The following CNOT7 variants were observed in gnomAD, a reference collection of about 807,000 sequenced individuals.
CNOT7 encodes CCR4-NOT transcription complex subunit 7.
A neutral mutation model predicts 37.1 loss-of-function variants in CNOT7; 4 were observed. The ratio of observed to expected loss-of-function variants is 0.11; its 90% CI spans 0.05 to 0.25. The LOEUF is 0.25. Among genes scored for constraint, CNOT7 ranks in the 10% least tolerant of loss-of-function variants. The pLI is 1.00. For synonymous variants in CNOT7, 128 were observed against 115.6 expected (o/e 1.11, Z -0.69); for missense variants, 170 against 336.2 (o/e 0.51, Z 3.87).
At position 17,227,083 on chromosome 8, in the gene CNOT7, G is replaced by A. The variant is rs930192424; in HGVS notation, c.*3637C>T. On this transcript the variant is annotated 3_prime_UTR_variant, in exon 7 of 7. Coordinates refer to ENST00000361272, the MANE Select transcript of CNOT7 (RefSeq NM_013354.7). The stretch of plus-strand genomic sequence containing the variant: ...AGCAAATGAAGTTAACTGTTGACCA[G>A]TTCAGTAACACCAATATTTCCTGTG... 1.3e-5 allele frequency: 2 copies of A among 151,524 alleles called. No homozygotes were observed. The highest frequency in any genetic ancestry group is 4.8e-5 in the African/African-American group (2 of 41,314). 9.4% of individuals were successfully genotyped at this position (151,524 alleles called of 1,614,324 possible). A position where few individuals can be genotyped will look rare whatever the true frequency, so the allele number is the denominator to read the frequency against.
chr8:17,241,213 C>G (rs1228486394), intron 3 of CNOT7: 2 of 151,940 alleles, frequency 1.3e-5, no homozygotes, highest in African/African-American at 4.8e-5. Flanking sequence ...TGCTAGCTAC[C>G]TGTACCTGTA....
Position 17,237,142 on chromosome 8 carries a change from G to C in CNOT7, c.473+70C>G. ...AATTAAACCTGAAATTGCTAACATAGTGACCCAAGTAAGTGTGGAGCAAGT... is the reference window on the plus strand; with the variant it reads ...AATTAAACCTGAAATTGCTAACATACTGACCCAAGTAAGTGTGGAGCAAGT... On this transcript the variant is annotated intron_variant, in intron 4 of 6. Transcript: ENST00000361272. 6 of 1,468,916 alleles carry C rather than the reference G, an allele frequency of 4.1e-6. 1 individual carries two copies. The highest frequency in any genetic ancestry group is 4.9e-4 in the Middle Eastern group (2 of 4,098). The allele number at this position is 1,468,916 out of a possible 1,614,324, so 91.0% of individuals were successfully genotyped here.
At chr8:17,239,770 G>A (rs976547076) in intron 3 of CNOT7, among the ~76,000 whole-genome samples, 12 of 152,228 alleles carry the variant, frequency 7.9e-5, no homozygotes, top group Non-Finnish European at 1.8e-4. Context: ...TGGGATTACA[G>A]GCGTGAGCCA....
chr8:17,232,970 T>C (rs1808826884), intron 5 of CNOT7, among the ~76,000 whole-genome samples: 1 of 152,240 alleles, frequency 6.6e-6, no homozygotes, highest in South Asian at 2.1e-4. Flanking sequence ...ACTTAATTTT[T>C]ACAAAACAAA....
At chr8:17,240,395 T>C (rs1810002827) in intron 3 of CNOT7, among the ~76,000 whole-genome samples, 1 of 152,082 alleles carries the variant, frequency 6.6e-6, no homozygotes, top group Admixed American at 6.5e-5. Flanking sequence ...AGCATTAGTG[T>C]ATTTTATGTG....
intron 3 of CNOT7, among the ~76,000 whole-genome samples, chr8:17,241,039 C>T (rs1221897895): frequency 6.6e-6 from 1 of 152,182 alleles, no homozygotes; most frequent in African/African-American, 2.4e-5. Flanking sequence ...GTTTACTTTA[C>T]AAGGTTCTGT....
chr8:17,233,042 C>T (rs993033703), intron 5 of CNOT7, among the ~76,000 whole-genome samples: 10 of 151,958 alleles, frequency 6.6e-5, no homozygotes, highest in African/African-American at 1.7e-4. Context: ...TTAGTTAAGA[C>T]GAGTATATGC....
At chr8:17,232,875 A>C (rs917674702) in intron 5 of CNOT7, among the ~76,000 whole-genome samples, 6 of 152,336 alleles carry the variant, frequency 3.9e-5, no homozygotes, top group Middle Eastern at 3.4e-3. Context: ...CTATCAATCC[A>C]GTAATAATTA....
In CNOT7 at chr8:17,226,053, T is replaced by C. The variant is rs1808136190; in HGVS notation, c.*4667A>G. 1 of 142,382 alleles carries C rather than the reference T, an allele frequency of 7.0e-6. No individual in the cohort carries two copies. The highest frequency in any genetic ancestry group is 2.6e-5 in the African/African-American group (1 of 37,932). The allele number at this position is 142,382 out of a possible 1,614,324, so 8.8% of individuals were successfully genotyped here. ...CCTTTTTTTTTTTTTTTTTTTTTTT[T>C]TTGAAAAGGGCAGGTAGCAAATATT... is the stretch of plus-strand genomic sequence containing the variant. On this transcript the variant is annotated 3_prime_UTR_variant, in exon 7 of 7. Coordinates refer to ENST00000361272, the MANE Select transcript of CNOT7 (RefSeq NM_013354.7).
Position 17,234,650 on chromosome 8 carries a change from G to A in CNOT7, c.618+66C>T, listed in dbSNP as rs562404678. ...TGGTTTAAAACAACATCCCAGCCTA[G>A]GCTCGCATGACAGTCACTTGGTCTG... On this transcript the variant is annotated intron_variant, in intron 5 of 6. Transcript: ENST00000361272. The A allele has an allele frequency of 6.0e-6, 9 of 1,495,490 alleles. No individual in the cohort carries two copies. The East Asian group carries it at 1.6e-4, about 26-fold the overall frequency. The allele number at this position is 1,495,490 out of a possible 1,614,324, so 92.6% of individuals were successfully genotyped here.
In CNOT7 at chr8:17,230,819, G is replaced by A. The variant is rs771296271; in HGVS notation, c.759C>T (p.Ala253=). The A allele has an allele frequency of 1.2e-6, 2 of 1,603,912 alleles. No individual in the cohort carries two copies. The highest frequency in any genetic ancestry group is 1.7e-6 in the Non-Finnish European group (2 of 1,172,958). Reference sequence around the variant, plus strand: ...GGCCATACAAATGACCACAATATTTGGCATCATCAATATGATCTTCAAAGA... The same window carrying A: ...GGCCATACAAATGACCACAATATTTAGCATCATCAATATGATCTTCAAAGA... ...EMFFEDHIDD[A]KYCGHLYGLG... Residue 253 remains alanine, a synonymous_variant, in exon 7 of 7, where the codon GCC becomes GCT. Transcript: ENST00000361272.
At chr8:17,236,985 A>T (rs1364994702) in intron 4 of CNOT7, among the ~76,000 whole-genome samples, 1 of 152,222 alleles carries the variant, frequency 6.6e-6, no homozygotes, top group East Asian at 1.9e-4. Flanking sequence ...GAGAACCTGT[A>T]CTGTTTCCAC....
At chr8:17,246,460 G>A (rs1170451536) in intron 1 of CNOT7, 3 of 152,890 alleles carry the variant, frequency 2.0e-5, no homozygotes, top group Non-Finnish European at 4.4e-5. Flanking sequence ...CGAAGCCCCA[G>A]GTACAAAGCC....
intron 3 of CNOT7, chr8:17,242,104 A>C (rs2151002034): frequency 6.6e-6 from 1 of 152,152 alleles, no homozygotes; most frequent in South Asian, 2.1e-4. Context: ...TAACGTGCAC[A>C]GCCTTGGGAT....
intron 5 of CNOT7, among the ~76,000 whole-genome samples, chr8:17,233,824 A>C (rs1377171391): frequency 6.6e-6 from 1 of 152,200 alleles, no homozygotes; most frequent in Non-Finnish European, 1.5e-5. Flanking sequence ...TGGCCAAAAG[A>C]AAGCTTCTCA....
At chr8:17,236,661 T>C (rs1018516198) in intron 4 of CNOT7, among the ~76,000 whole-genome samples, 2 of 152,204 alleles carry the variant, frequency 1.3e-5, no homozygotes, top group Admixed American at 6.5e-5. Flanking sequence ...CTTTGCTGTT[T>C]TGAGATAGTA....
At position 17,231,888 on chromosome 8, in the gene CNOT7, G is replaced by A. The variant is rs1407449121; in HGVS notation, c.729+539C>T. 1.4e-5 allele frequency: 14 copies of A among 985,928 alleles called. No individual in the cohort carries two copies. The Admixed American group carries it at 8.6e-4, about 61-fold the overall frequency. The allele number at this position is 985,928 out of a possible 1,614,324, so 61.1% of individuals were successfully genotyped here. A position where few individuals can be genotyped will look rare whatever the true frequency, so the allele number is the denominator to read the frequency against. On this transcript the variant is annotated intron_variant, in intron 6 of 6. Coordinates refer to ENST00000361272, the MANE Select transcript of CNOT7 (RefSeq NM_013354.7). ...ACGTTGGATTTATTTGATCCCTTCGGAATTCAACCCCCCTTTTAAGACTCA... is the reference window on the plus strand; with the variant it reads ...ACGTTGGATTTATTTGATCCCTTCGAAATTCAACCCCCCTTTTAAGACTCA...
At chr8:17,231,290 C>A (rs986264740) in intron 6 of CNOT7, among the ~76,000 whole-genome samples, 2 of 152,056 alleles carry the variant, frequency 1.3e-5, no homozygotes, top group Non-Finnish European at 2.9e-5. Context: ...TCCAAACATT[C>A]ACACTCTATT....
chr8:17,244,942 T>C, intron 2 of CNOT7, 94 bp downstream of exon 2: 1 of 1,074,586 alleles, frequency 9.3e-7, no homozygotes. Flanking sequence ...AATTAATCCC[T>C]AAAAATATCA....
Sources: gnomAD v4.1 joint callset for allele counts (sites outside exome capture counted in the v4.1 genomes callset) on GRCh38, gnomAD v4.1.1 for gene constraint, MANE v1.5 for transcripts, NCBI Gene and HGNC (gene_info 2026-07-23, HGNC 2026-07-21) for gene names.